Variants in COCH observed in about 807,000 individuals in gnomAD.
COCH encodes the protein coagulation factor C homolog, cochlin (Limulus polyphemus).
A neutral mutation model predicts 54.8 loss-of-function variants in COCH; 40 were observed. The observed-to-expected ratio is 0.73, with a 90% CI of 0.57 to 0.95. The LOEUF (loss-of-function observed/expected upper bound fraction) is 0.95. Among genes scored for constraint, COCH ranks in the 40% least tolerant of loss-of-function variants. COCH has a pLI of 0.00. For synonymous variants in COCH, 256 were observed against 237.9 expected (o/e 1.08, Z -0.70); for missense variants, 605 against 675.0 (o/e 0.90, Z 1.15).
At chr14:30,881,833 A>G (rs534101173) in intron 8 of COCH, among the ~76,000 whole-genome samples, 1,874 of 151,106 alleles carry the variant, frequency 0.012, 16 homozygotes, top group Non-Finnish European at 0.017. Flanking sequence ...GCGTGGTGGC[A>G]GGCGCCTGTA....
rs573330522 is a variant in COCH at position 30,877,642 on chromosome 14, A to G, written c.153A>G (p.Pro51=). The G allele has an allele frequency of 6.2e-7, 1 of 1,614,210 alleles. No individual in the cohort carries two copies. The highest frequency in any genetic ancestry group is 8.5e-7 in the Non-Finnish European group (1 of 1,180,032). ...AAGAGAAAGCAGATGTCCTCTGCCC[A>G]GGGGGCTGCCCTCTTGAGGAATTCT... is the stretch of plus-strand genomic sequence containing the variant. The part of the protein sequence containing the change: ...IRKEKADVLC[P]GGCPLEEFSV... Residue 51 remains proline (P), a synonymous_variant, in exon 4 of 12, where the codon CCA becomes CCG. Coordinates refer to ENST00000396618, the MANE Select transcript of COCH (RefSeq NM_004086.3). This position sits in a 1 kb window ranked among gnomAD's most constrained non-coding sequence, Gnocchi z 8.6.
In COCH at chr14:30,880,724, G is replaced by A; in HGVS notation, c.619G>A (p.Val207Ile). 2 of 1,612,574 alleles carry A rather than the reference G, an allele frequency of 1.2e-6. No homozygotes were observed. Among genetic ancestry groups the A allele is most frequent in the African/African-American group, 2.7e-5 (2 of 74,966 alleles). ...IGTEGPHVGL[V>I]QASEHPKIEF... is the part of the protein sequence containing the mutation. ...AACAGAAGGACCACATGTGGGCCTT[G>A]TTCAAGCCAGGTACCAACCTTGTTA... The change falls in exon 8 of 12, where the codon GTT becomes ATT. Residue 207 changes from valine (V) to isoleucine (I), a missense_variant. Physicochemically the swap from Val to Ile is conservative, Grantham distance 29 (BLOSUM62 3). Coordinates refer to ENST00000396618, the MANE Select transcript of COCH (RefSeq NM_004086.3).
Position 30,889,761 on chromosome 14 carries a change from T to G in COCH, c.1623T>G (p.Ile541Met). ...EPIVSDVIRG[I>M]CRDFLESQQ ...TTGTTTCTGATGTCATCAGAGGCAT[T>G]TGTAGAGATTTCTTAGAATCCCAGC... Residue 541 changes from isoleucine (I) to methionine (M), a missense_variant, in exon 12 of 12, where the codon ATT (isoleucine) becomes ATG (methionine). Transcript: ENST00000396618. 1 of 1,610,876 alleles carries G rather than the reference T, an allele frequency of 6.2e-7. No individual in the cohort carries two copies. Among genetic ancestry groups the G allele is most frequent in the Non-Finnish European group, 8.5e-7 (1 of 1,177,336 alleles).
rs568643473 is a variant in COCH at position 30,877,094 on chromosome 14, T to C, written c.83-478T>C. Among the ~76,000 whole-genome samples the C allele has an allele frequency of 5.9e-5, 9 of 152,214 alleles. No homozygotes were observed. In the South Asian group the frequency reaches 1.7e-3, roughly 28 times the overall value. ...AAAGTGCTGGGATTATAGGCATGAG[T>C]CACCACGCCCAGCCAAGATTTTTTA... is the stretch of plus-strand genomic sequence containing the variant. On this transcript the variant is annotated intron_variant, in intron 3 of 11. Coordinates refer to ENST00000396618, the MANE Select transcript of COCH (RefSeq NM_004086.3). This position sits in a 1 kb window ranked among gnomAD's most constrained non-coding sequence, Gnocchi z 8.6.
chr14:30,880,405 T>G (rs1168481378), intron 6 of COCH, 47 bp from the exon 7 acceptor site: 1 of 1,609,204 alleles, frequency 6.2e-7, no homozygotes, highest in South Asian at 1.1e-5. Context: ...TTTCTTGCTA[T>G]GTAACTGTCT....
At position 30,874,568 on chromosome 14, in the gene COCH, C is replaced by T; in HGVS notation, c.-47C>T. 2.4e-6 allele frequency: 1 copy of T among 421,894 alleles called. No individual in the cohort carries two copies. The highest frequency in any genetic ancestry group is 2.4e-5 in the South Asian group (1 of 41,322). 26.1% of individuals were successfully genotyped at this position (421,894 alleles called of 1,614,324 possible). A position where few individuals can be genotyped will look rare whatever the true frequency, so the allele number is the denominator to read the frequency against. On this transcript the variant is annotated 5_prime_UTR_variant, in exon 1 of 12. Transcript: ENST00000396618. ...GGGGGCCTTGCCTTCCGCACTCGGG[C>T]GCAGCCGGGTGGATCTCGAGCAGGT...
chr14:30,889,511 A>G, intron 11 of COCH, 105 bp from the exon 12 acceptor site: 2 of 959,788 alleles, frequency 2.1e-6, no homozygotes. Flanking sequence ...ATTAGTAAGC[A>G]GTTTTCGCTG....
chr14:30,888,166 G>C (rs911280040), intron 11 of COCH, among the ~76,000 whole-genome samples: 4 of 151,692 alleles, frequency 2.6e-5, no homozygotes, highest in Non-Finnish European at 4.4e-5. Flanking sequence ...TGCTGGGCTT[G>C]AGCTAAACAA....
rs1895305507 is a variant in COCH at position 30,875,083 on chromosome 14, C to A, written c.62C>A (p.Pro21His). 1.3e-6 allele frequency: 2 copies of A among 1,587,450 alleles called. No homozygotes were observed. Among genetic ancestry groups the A allele is most frequent in the Admixed American group, 1.8e-5 (1 of 55,322 alleles). The change falls in exon 3 of 12, where the codon CCC becomes CAC. Residue 21 changes from proline (P) to histidine (H), a missense_variant. Pro to His is a moderately conservative substitution (Grantham distance 77, BLOSUM62 -2). Transcript: ENST00000396618. ...GTGTGTCTGCTGCTGCTGCCGGGGCCCGCGGGCAGCGAGGGAGCCGGTGAG... is the reference window on the plus strand; with the variant it reads ...GTGTGTCTGCTGCTGCTGCCGGGGCACGCGGGCAGCGAGGGAGCCGGTGAG... ...LGVCLLLLPG[P>H]AGSEGAAPIA...
Position 30,877,796 on chromosome 14 carries a change from T to C in COCH, c.239+68T>C. Reference sequence around the variant, plus strand: ...ATTATTTCCTTTCCTGCTTTACCCATCTGGATCCCTTTCCTCCCTGCATTC... The same window carrying C: ...ATTATTTCCTTTCCTGCTTTACCCACCTGGATCCCTTTCCTCCCTGCATTC... On this transcript the variant is annotated intron_variant, in intron 4 of 11. Coordinates refer to ENST00000396618, the MANE Select transcript of COCH (RefSeq NM_004086.3). This position sits in a 1 kb window ranked among gnomAD's most constrained non-coding sequence, Gnocchi z 8.6. 9 of 1,606,058 alleles carry C rather than the reference T, an allele frequency of 5.6e-6. No homozygotes were observed. The highest frequency in any genetic ancestry group is 1.7e-5 in the Admixed American group (1 of 59,612).
intron 11 of COCH, chr14:30,889,379 C>CT: frequency 1.9e-6 from 1 of 513,960 alleles, no homozygotes; most frequent in Non-Finnish European, 3.5e-6. Context: ...TCAGTGATGA[C>CT]TTACCTGTTA....
downstream of COCH, among the ~76,000 whole-genome samples, chr14:30,891,190 A>G (rs544534588): frequency 2.6e-5 from 4 of 152,308 alleles, no homozygotes; most frequent in African/African-American, 7.2e-5. Context: ...TTTTTTACTT[A>G]AAAATGCTTG....
At chr14:30,884,984 G>A in intron 9 of COCH, 1 of 1,598,392 alleles carries the variant, frequency 6.3e-7, no homozygotes, top group Non-Finnish European at 8.5e-7. Context: ...AATGAATGCA[G>A]ATGTGGCAGA....
chr14:30,875,199 C>T lies in COCH; in HGVS notation c.82+96C>T, dbSNP rs1021216764. ...AGATCCAGCCCCTTGGGCTTCAGCCCTACCGCCTGAGGAGGAAGGCGCGAA... is the reference window on the plus strand; with the variant it reads ...AGATCCAGCCCCTTGGGCTTCAGCCTTACCGCCTGAGGAGGAAGGCGCGAA... On this transcript the variant is annotated intron_variant, in intron 3 of 11. Transcript: ENST00000396618. 7 of 1,506,514 alleles carry T rather than the reference C, an allele frequency of 4.6e-6. No homozygotes were observed. In the Admixed American group the frequency reaches 8.0e-5, roughly 17 times the overall value. 93.3% of individuals were successfully genotyped at this position (1,506,514 alleles called of 1,614,324 possible).
chr14:30,878,976 A>G, intron 5 of COCH, 32 bp downstream of exon 5: 1 of 1,612,340 alleles, frequency 6.2e-7, no homozygotes, highest in Non-Finnish European at 8.5e-7. Flanking sequence ...ATTCTGTAAT[A>G]TTCTCCCACC....
downstream of COCH, among the ~76,000 whole-genome samples, chr14:30,892,966 C>G (rs117199270): frequency 4.1e-4 from 62 of 152,242 alleles, no homozygotes; most frequent in East Asian, 0.01. Flanking sequence ...GAATTTCACA[C>G]GTAAGTTTTC....
chr14:30,874,827 C>G (rs1322931227), intron 1 of COCH, 89 bp from the exon 2 acceptor site: 6 of 1,286,752 alleles, frequency 4.7e-6, no homozygotes, highest in Non-Finnish European at 4.5e-6. Context: ...TGCGCCGCGC[C>G]CGGGGATCCG....
Position 30,889,910 on chromosome 14 carries a change from C to T in COCH, c.*119C>T. 1 of 1,440,932 alleles carries T rather than the reference C, an allele frequency of 6.9e-7. No homozygotes were observed. The highest frequency in any genetic ancestry group is 9.1e-7 in the Non-Finnish European group (1 of 1,098,216). 89.3% of individuals were successfully genotyped at this position (1,440,932 alleles called of 1,614,324 possible). A position where few individuals can be genotyped will look rare whatever the true frequency, so the allele number is the denominator to read the frequency against. On this transcript the variant is annotated 3_prime_UTR_variant, in exon 12 of 12. Coordinates refer to ENST00000396618, the MANE Select transcript of COCH (RefSeq NM_004086.3). ...TCAGATACAAAACTATTAAGTATGT[C>T]AACAGCCATTTAGGCAAATAAGCAC...
chr14:30,894,002 AACCTT>A (rs1896061948), downstream of COCH: 2 of 152,744 alleles, frequency 1.3e-5, no homozygotes, highest in African/African-American at 4.8e-5. Context: ...GTAAAACAAA[AACCTT>A]ACAAAACTCA....
Sources: allele counts gnomAD v4.1 joint callset (sites outside exome capture counted in the v4.1 genomes callset), GRCh38; gene constraint gnomAD v4.1.1; non-coding constraint Gnocchi (gnomAD v3.1); transcripts MANE v1.5; gene names NCBI Gene and HGNC (gene_info 2026-07-23, HGNC 2026-07-21).